Variants in FLT3LG observed in about 807,000 individuals in gnomAD.
FLT3LG encodes fms related receptor tyrosine kinase 3 ligand.
Under a neutral mutation model 30.9 loss-of-function variants are expected in FLT3LG, and 8 were observed. That is an observed-to-expected ratio of 0.26 (90% CI 0.15 to 0.47). The LOEUF (loss-of-function observed/expected upper bound fraction) is 0.47, where lower values mean the gene tolerates loss of function less well. Ranked by LOEUF, FLT3LG falls within the 20% of genes least tolerant of loss-of-function variation. FLT3LG has a pLI of 0.99. For missense variants in FLT3LG, 278 were observed against 306.2 expected (o/e 0.91, Z 0.69); for synonymous variants, 123 against 135.9 (o/e 0.91, Z 0.66).
In FLT3LG at chr19:49,476,643, C is replaced by T; in HGVS notation, c.342+77C>T. On this transcript the variant is annotated intron_variant, in intron 5 of 8. Transcript: ENST00000597551. This position sits in a 1 kb window ranked among gnomAD's most constrained non-coding sequence, Gnocchi z 5.3. ...AATTAGAAGTAAAGCTCCACTAGGCCTTATTGGCGATTTGGACCATAGCCA... is the reference window on the plus strand; with the variant it reads ...AATTAGAAGTAAAGCTCCACTAGGCTTTATTGGCGATTTGGACCATAGCCA... 6.3e-7 allele frequency: 1 copy of T among 1,591,456 alleles called. No individual in the cohort carries two copies. The highest frequency in any genetic ancestry group is 1.7e-4 in the Middle Eastern group (1 of 5,934).
rs538660761 is a variant in FLT3LG at position 49,478,836 on chromosome 19, G to A, written c.343-73G>A. On this transcript the variant is annotated intron_variant, in intron 5 of 8. Transcript: ENST00000597551. Reference sequence around the variant, plus strand: ...CCCTGTTGCTGGGCATCGCCAGCAGGGAAGGGCCTTTGGCCTGCGGAGGGG... The same window carrying A: ...CCCTGTTGCTGGGCATCGCCAGCAGAGAAGGGCCTTTGGCCTGCGGAGGGG... 1.3e-5 allele frequency: 18 copies of A among 1,365,970 alleles called. No individual in the cohort carries two copies. In the South Asian group the frequency reaches 2.6e-4, roughly 20 times the overall value. 84.6% of individuals were successfully genotyped at this position (1,365,970 alleles called of 1,614,324 possible).
chr19:49,483,577 G>A (rs980421807), intron 8 of FLT3LG, among the ~76,000 whole-genome samples: 6 of 151,818 alleles, frequency 4.0e-5, no homozygotes, highest in African/African-American at 1.5e-4. Flanking sequence ...TTAAAAAGTA[G>A]CTGGGTGTGG....
rs534740738 is a variant in FLT3LG, at chr19:49,485,313, G to A, written c.*22-702G>A. Reference sequence around the variant, plus strand: ...CGCCCAGGCTGGAGTGCAATGGCACGATCTTGGCTCACCGCAACCTCTGCC... The same window carrying A: ...CGCCCAGGCTGGAGTGCAATGGCACAATCTTGGCTCACCGCAACCTCTGCC... On this transcript the variant is annotated intron_variant, in intron 8 of 8. Coordinates refer to ENST00000597551, the MANE Select transcript of FLT3LG (RefSeq NM_001459.4). Among the ~76,000 whole-genome samples, 4 of 141,910 alleles carry A rather than the reference G, an allele frequency of 2.8e-5. No homozygotes were observed. The East Asian group carries it at 8.9e-4, about 31-fold the overall frequency. The allele number at this position is 141,910 out of a possible 152,430, so 93.1% of individuals were successfully genotyped here. A position where few individuals can be genotyped will look rare whatever the true frequency, so the allele number is the denominator to read the frequency against.
At chr19:49,485,666 GC>G (rs1283033998) in intron 8 of FLT3LG, among the ~76,000 whole-genome samples, 3 of 152,172 alleles carry the variant, frequency 2.0e-5, no homozygotes, top group Non-Finnish European at 2.9e-5. Context: ...ACAGGCGTGA[GC>G]CACTGTGCCT....
Position 49,474,751 on chromosome 19 carries a change from C to A in FLT3LG, c.33+79C>A, listed in dbSNP as rs568707596. On this transcript the variant is annotated intron_variant, in intron 2 of 8. Transcript: ENST00000597551. ...TGGGGCAGAGATGAGGGGAGATGGA[C>A]GGGAGAACAGATGGACAGATGACGA... is the stretch of plus-strand genomic sequence containing the variant. 2.1e-6 allele frequency: 3 copies of A among 1,452,968 alleles called. No homozygotes were observed. In the African/African-American group the frequency reaches 4.2e-5, roughly 21 times the overall value. 90.0% of individuals were successfully genotyped at this position (1,452,968 alleles called of 1,614,324 possible).
intron 2 of FLT3LG, 104 bp from the exon 3 acceptor site, chr19:49,475,587 G>C: frequency 7.0e-7 from 1 of 1,426,292 alleles, no homozygotes. Context: ...AGGACACCCA[G>C]GGAAGGAGGA....
At chr19:49,478,827 C>T (rs905311964) in intron 5 of FLT3LG, 82 bp from the exon 6 acceptor site, 8 of 1,297,770 alleles carry the variant, frequency 6.2e-6, no homozygotes, top group Admixed American at 7.1e-5. Flanking sequence ...TGCTGGGCAT[C>T]GCCAGCAGGG....
chr19:49,476,523 G>A lies in FLT3LG; in HGVS notation c.299G>A (p.Arg100His), dbSNP rs755598105. ...AGSKMQGLLERVNTEIHFVTK... is the reference protein window; with the variant it reads ...AGSKMQGLLEHVNTEIHFVTK... ...TCCAAGATGCAAGGCTTGCTGGAGC[G>A]CGTGAACACGGAGATACACTTTGTC... The change falls in exon 5 of 9, where the codon CGC (arginine) becomes CAC (histidine). Residue 100 changes from arginine (R) to histidine (H), a missense_variant. Physicochemically the swap from Arg to His is conservative, Grantham distance 29 (BLOSUM62 0). Transcript: ENST00000597551. The surrounding 1 kb of genome is among the most constrained non-coding windows in gnomAD (Gnocchi z 5.3). 1.9e-6 allele frequency: 3 copies of A among 1,614,190 alleles called. No individual in the cohort carries two copies. Among genetic ancestry groups the A allele is most frequent in the South Asian group, 2.2e-5 (2 of 91,090 alleles).
chr19:49,474,583 G>C lies in FLT3LG; in HGVS notation c.-37-20G>C. 6.3e-7 allele frequency: 1 copy of C among 1,592,712 alleles called. No homozygotes were observed. The highest frequency in any genetic ancestry group is 8.6e-7 in the Non-Finnish European group (1 of 1,165,576). On this transcript the variant is annotated intron_variant, in intron 1 of 8. Coordinates refer to ENST00000597551, the MANE Select transcript of FLT3LG (RefSeq NM_001459.4). ...GCTGGGGCATGAGGGTCCGAGACTT[G>C]TTCTTCTGTCCCTTCCAAGACCCGG...
chr19:49,482,525 T>G (rs1179658501), intron 8 of FLT3LG: 1 of 152,138 alleles, frequency 6.6e-6, no homozygotes, highest in Non-Finnish European at 1.5e-5. Flanking sequence ...ACCATAGGGT[T>G]GTTATGGGGT....
intron 8 of FLT3LG, chr19:49,481,951 C>T (rs1027996652): frequency 6.6e-6 from 1 of 151,820 alleles, no homozygotes; most frequent in Non-Finnish European, 1.5e-5. Flanking sequence ...CCTCAGCCTC[C>T]CAAAGTGCTG....
At chr19:49,478,589 A>G (rs1053659797) in intron 5 of FLT3LG, among the ~76,000 whole-genome samples, 4 of 152,050 alleles carry the variant, frequency 2.6e-5, no homozygotes, top group African/African-American at 9.7e-5. Context: ...CCTGGCCAAC[A>G]TGGAGAAACC....
chr19:49,481,825 G>A (rs1343780729), intron 8 of FLT3LG: 1 of 151,816 alleles, frequency 6.6e-6, no homozygotes, highest in Non-Finnish European at 1.5e-5. Context: ...CCAAGTAGCT[G>A]GGATTACAGG....
chr19:49,480,903 G>A (rs950398441), intron 8 of FLT3LG: 6 of 363,220 alleles, frequency 1.7e-5, no homozygotes, highest in African/African-American at 1.0e-4. Flanking sequence ...ATAGTGGTGT[G>A]TGCCTGTAAT....
In FLT3LG at chr19:49,476,386, C is replaced by T; in HGVS notation, c.199-37C>T. 6.9e-6 allele frequency: 11 copies of T among 1,593,948 alleles called. No individual in the cohort carries two copies. Among genetic ancestry groups the T allele is most frequent in the Non-Finnish European group, 9.4e-6 (11 of 1,169,120 alleles). Reference sequence around the variant, plus strand: ...CCCTCAGACCCAGCAGCCCCGTGCCCAGCTCCTCCCTCAGACCCGTGGGTT... The same window carrying T: ...CCCTCAGACCCAGCAGCCCCGTGCCTAGCTCCTCCCTCAGACCCGTGGGTT... On this transcript the variant is annotated intron_variant, in intron 4 of 8. Transcript: ENST00000597551. This position sits in a 1 kb window ranked among gnomAD's most constrained non-coding sequence, Gnocchi z 5.3.
Position 49,476,256 on chromosome 19 carries a change from C to T in FLT3LG, c.198+58C>T. On this transcript the variant is annotated intron_variant, in intron 4 of 8. Coordinates refer to ENST00000597551, the MANE Select transcript of FLT3LG (RefSeq NM_001459.4). This position sits in a 1 kb window ranked among gnomAD's most constrained non-coding sequence, Gnocchi z 5.3. ...GTGGGGACCACAGACTCAAGATGCTCCACCGAGGCGAGTGGATAACCAGGC... is the reference window on the plus strand; with the variant it reads ...GTGGGGACCACAGACTCAAGATGCTTCACCGAGGCGAGTGGATAACCAGGC... 2 of 1,504,490 alleles carry T rather than the reference C, an allele frequency of 1.3e-6. No homozygotes were observed. Among genetic ancestry groups the T allele is most frequent in the Non-Finnish European group, 1.8e-6 (2 of 1,085,960 alleles). 93.2% of individuals were successfully genotyped at this position (1,504,490 alleles called of 1,614,324 possible).
chr19:49,484,398 G>A (rs1433992138), intron 8 of FLT3LG, among the ~76,000 whole-genome samples: 2 of 149,768 alleles, frequency 1.3e-5, no homozygotes, highest in African/African-American at 4.9e-5. Context: ...AGGTTCAAGC[G>A]ATTCTCCTGC....
Position 49,476,504 on chromosome 19 carries a change from A to C in FLT3LG, c.280A>C (p.Met94Leu). Residue 94 changes from methionine to leucine, a missense_variant, in exon 5 of 9, where the codon ATG (methionine) becomes CTG (leucine). This residue lies in a region of FLT3LG where 68 missense variants were observed against 110.0 expected (regional missense o/e 0.62). Coordinates refer to ENST00000597551, the MANE Select transcript of FLT3LG (RefSeq NM_001459.4). This position sits in a 1 kb window ranked among gnomAD's most constrained non-coding sequence, Gnocchi z 5.3. ...ERLKTVAGSK[M>L]QGLLERVNTE... ...GCTCAAGACTGTCGCTGGGTCCAAG[A>C]TGCAAGGCTTGCTGGAGCGCGTGAA... The C allele has an allele frequency of 6.2e-7, 1 of 1,614,174 alleles. No homozygotes were observed. The highest frequency in any genetic ancestry group is 8.5e-7 in the Non-Finnish European group (1 of 1,180,024).
intron 8 of FLT3LG, among the ~76,000 whole-genome samples, chr19:49,484,032 G>A (rs1441710415): frequency 1.3e-5 from 2 of 148,430 alleles, no homozygotes; most frequent in African/African-American, 4.9e-5. Context: ...CTACAGGCGC[G>A]TGCCACCACA....
Sources: allele counts gnomAD v4.1 joint callset (sites outside exome capture counted in the v4.1 genomes callset), GRCh38; gene constraint gnomAD v4.1.1; regional missense constraint gnomAD v4.1.1; non-coding constraint Gnocchi (gnomAD v3.1); transcripts MANE v1.5; gene names NCBI Gene and HGNC (gene_info 2026-07-23, HGNC 2026-07-21).